The following CCDC77 variants were observed in gnomAD, a reference collection of about 807,000 sequenced individuals.
CCDC77 encodes coiled-coil domain containing 77, also known as coiled-coil domain-containing protein 77.
In CCDC77, 56 loss-of-function variants were observed where a neutral mutation model predicts 66.8. That is an observed-to-expected ratio of 0.84 (90% CI 0.68 to 1.05). The LOEUF (loss-of-function observed/expected upper bound fraction) is 1.05, where lower values mean the gene tolerates loss of function less well. Ranked by LOEUF, CCDC77 falls within the 50% of genes least tolerant of loss-of-function variation. CCDC77 has a pLI of 0.00. For synonymous variants in CCDC77, 196 were observed against 195.2 expected (o/e 1.00, Z -0.03); for missense variants, 570 against 576.8 (o/e 0.99, Z 0.12).
chr12:389,601 T>A, intron 1 of CCDC77: 1 of 72,754 alleles, frequency 1.4e-5, no homozygotes, highest in Non-Finnish European at 2.9e-5. Context: ...CGACGCGACG[T>A]GACGCTTTCT....
chr12:430,269 A>G (rs1451866243), intron 6 of CCDC77, among the ~76,000 whole-genome samples: 1 of 152,222 alleles, frequency 6.6e-6, no homozygotes, highest in Non-Finnish European at 1.5e-5. Flanking sequence ...CTGAGATTAT[A>G]GGCATGAGCC....
intron 5 of CCDC77, among the ~76,000 whole-genome samples, chr12:426,423 GA>G (rs1015718954): frequency 2.6e-5 from 4 of 152,132 alleles, no homozygotes; most frequent in Admixed American, 6.6e-5. Flanking sequence ...TTATCTTCCA[GA>G]ATCCATCTGG....
chr12:441,789 C>A lies in CCDC77; in HGVS notation c.1336C>A (p.Arg446=). ...QMLYKATVNA[R]ANQDLALLCE... ...AAACCCCTAGGCAACAGTTAATGCC[C>A]GGGCAAACCAGGATCTTGCCCTTCT... Residue 446 remains arginine, a synonymous_variant, in exon 13 of 13, where the codon CGG becomes AGG. Transcript: ENST00000239830. 6.2e-7 allele frequency: 1 copy of A among 1,612,164 alleles called. No individual in the cohort carries two copies. Among genetic ancestry groups the A allele is most frequent in the Non-Finnish European group, 8.5e-7 (1 of 1,179,590 alleles).
chr12:423,342 G>T, intron 5 of CCDC77, among the ~76,000 whole-genome samples: 2 of 143,990 alleles, frequency 1.4e-5, no homozygotes, highest in Non-Finnish European at 1.5e-5. Context: ...GTTTCACCAT[G>T]TTTCCCAGGC....
upstream of CCDC77, among the ~76,000 whole-genome samples, chr12:399,175 A>ATT (rs36027759): frequency 0.024 from 3,514 of 147,212 alleles, 74 homozygotes; most frequent in East Asian, 0.053. Flanking sequence ...CTTATGAAAT[A>ATT]TTTTTTTTTT....
intron 1 of CCDC77, chr12:390,211 G>A (rs967058558): frequency 1.3e-5 from 2 of 149,122 alleles, no homozygotes; most frequent in African/African-American, 2.5e-5. Flanking sequence ...CTCCATCCCC[G>A]TTACCAGTAT....
intron 4 of CCDC77, among the ~76,000 whole-genome samples, chr12:415,409 TGTTGATATTATTAACATA>T (rs1161615093): frequency 6.5e-5 from 5 of 76,956 alleles, no homozygotes; most frequent in African/African-American, 1.9e-4. Flanking sequence ...CAACATAATA[TGTTGATATTATTAACATA>T]ATTAACATAA....
At chr12:413,064 G>A (rs1246640070) in intron 4 of CCDC77, among the ~76,000 whole-genome samples, 5 of 150,318 alleles carry the variant, frequency 3.3e-5, no homozygotes, top group Admixed American at 2.0e-4. Context: ...TCAGCCTCCC[G>A]AGTAGCTGGG....
chr12:415,436 A>C lies in CCDC77; in HGVS notation c.271-3058A>C, dbSNP rs201890534. On this transcript the variant is annotated intron_variant, in intron 4 of 12. Coordinates refer to ENST00000239830, the MANE Select transcript of CCDC77 (RefSeq NM_032358.4). Reference sequence around the variant, plus strand: ...TTGATATTATTAACATAATTAACATAATAATATGTTAATATTAACATAATT... The same window carrying C: ...TTGATATTATTAACATAATTAACATCATAATATGTTAATATTAACATAATT... Among the ~76,000 whole-genome samples the C allele has an allele frequency of 7.4e-5, 9 of 121,696 alleles. 1 individual carries two copies. Among genetic ancestry groups the C allele is most frequent in the Non-Finnish European group, 8.1e-5 (5 of 61,740 alleles). 79.8% of individuals were successfully genotyped at this position (121,696 alleles called of 152,430 possible). A position where few individuals can be genotyped will look rare whatever the true frequency, so the allele number is the denominator to read the frequency against.
chr12:427,125 G>C (rs546416835), intron 5 of CCDC77, among the ~76,000 whole-genome samples: 2 of 152,032 alleles, frequency 1.3e-5, no homozygotes, highest in Non-Finnish European at 2.9e-5. Context: ...TGCGCCTGTA[G>C]TCCCAGCTAC....
chr12:439,391 G>T (rs543043477), intron 10 of CCDC77, among the ~76,000 whole-genome samples: 2 of 151,728 alleles, frequency 1.3e-5, no homozygotes, highest in South Asian at 2.1e-4. Context: ...GTGGTGGTGG[G>T]CACCTGTAAT....
chr12:394,785 T>C (rs543158371), intron 1 of CCDC77, among the ~76,000 whole-genome samples: 3 of 152,292 alleles, frequency 2.0e-5, no homozygotes, highest in African/African-American at 7.2e-5. Context: ...AAAAGCAATC[T>C]AATGGGGGGA....
chr12:436,115 C>CTTTT (rs1181059309), intron 9 of CCDC77, among the ~76,000 whole-genome samples: 6 of 106,136 alleles, frequency 5.7e-5, no homozygotes, highest in East Asian at 5.7e-4. Context: ...GATCCTTTGT[C>CTTTT]TTTTTTTTTT....
intron 4 of CCDC77, 35 bp from the exon 5 acceptor site, chr12:418,459 T>A: frequency 6.2e-7 from 1 of 1,608,036 alleles, no homozygotes. Context: ...TGAAACCCAG[T>A]GTCTTTCAAC....
chr12:441,913 T>A lies in CCDC77; in HGVS notation c.1460T>A (p.Leu487His), dbSNP rs1166247771. 1 of 1,613,904 alleles carries A rather than the reference T, an allele frequency of 6.2e-7. No homozygotes were observed. Among genetic ancestry groups the A allele is most frequent in the Non-Finnish European group, 8.5e-7 (1 of 1,179,982 alleles). Residue 487 changes from leucine to histidine, a missense_variant, in exon 13 of 13, where the codon CTC (leucine) becomes CAC (histidine). Leu to His is a moderately conservative substitution (Grantham distance 99, BLOSUM62 -3). Coordinates refer to ENST00000239830, the MANE Select transcript of CCDC77 (RefSeq NM_032358.4). ...KVFGLENELR[L>H]C is the part of the protein sequence containing the mutation. Reference sequence around the variant, plus strand: ...TTTGGTCTGGAGAATGAACTTAGACTCTGTTAATGTCTACTTTTGGAAATG... The same window carrying A: ...TTTGGTCTGGAGAATGAACTTAGACACTGTTAATGTCTACTTTTGGAAATG...
intron 9 of CCDC77, among the ~76,000 whole-genome samples, chr12:435,204 G>C (rs1263074643): frequency 6.8e-6 from 1 of 147,730 alleles, no homozygotes; most frequent in Non-Finnish European, 1.5e-5. Context: ...ACTTCTTTCT[G>C]TGTTTCATCT....
Position 436,695 on chromosome 12 carries a change from ATC to A in CCDC77, c.822-1638_822-1637del, listed in dbSNP as rs1945765637. ...TTGTCATAGTAATTTGTAATTTTAT[ATC>A]TGTTTTCCAGAATACCAGTAACCTT... is the stretch of plus-strand genomic sequence containing the variant. On this transcript the variant is annotated intron_variant, in intron 9 of 12. Coordinates refer to ENST00000239830, the MANE Select transcript of CCDC77 (RefSeq NM_032358.4). The A allele has an allele frequency of 2.0e-5, 16 of 790,162 alleles. No individual in the cohort carries two copies. The South Asian group carries it at 8.6e-4, about 43-fold the overall frequency. 48.9% of individuals were successfully genotyped at this position (790,162 alleles called of 1,614,324 possible).
intron 12 of CCDC77, 29 bp from the exon 13 acceptor site, chr12:441,745 C>CTT (rs34054482): frequency 5.6e-4 from 805 of 1,439,822 alleles, no homozygotes; most frequent in East Asian, 3.6e-3. Context: ...ATCATCATTT[C>CTT]TTTTTTTTTT....
rs2302258 is a variant in CCDC77 at position 442,294 on chromosome 12, C to T, written c.*374C>T. ...GAGTGTCCATGGGAAGAATACTTTC[C>T]CTAAAGAGAGAGAAGCACTCACAGA... is the stretch of plus-strand genomic sequence containing the variant. On this transcript the variant is annotated 3_prime_UTR_variant, in exon 13 of 13. Coordinates refer to ENST00000239830, the MANE Select transcript of CCDC77 (RefSeq NM_032358.4). 4,204 of 163,824 alleles carry T rather than the reference C, an allele frequency of 0.026. 267 individuals carry two copies. Among genetic ancestry groups the T allele is most frequent in the East Asian group, 0.22 (1,309 of 5,826 alleles). 10.1% of individuals were successfully genotyped at this position (163,824 alleles called of 1,614,324 possible).
Sources: gnomAD v4.1 joint callset for allele counts (sites outside exome capture counted in the v4.1 genomes callset) on GRCh38, gnomAD v4.1.1 for gene constraint, MANE v1.5 for transcripts, NCBI Gene and HGNC (gene_info 2026-07-23, HGNC 2026-07-21) for gene names.